The following ELK1 variants were observed in gnomAD, a reference collection of about 807,000 sequenced individuals.
ELK1 encodes ETS domain-containing protein Elk-1.
For synonymous variants in ELK1, 163 were observed against 176.3 expected, an observed-to-expected ratio of 0.92 and a Z score of 0.60; for missense variants, 254 against 381.5, an observed-to-expected ratio of 0.67 and a Z score of 2.78.
chrX:47,649,011 G>C (rs1460846723), intron 2 of ELK1: 13 of 111,175 alleles, frequency 1.2e-4, no homozygotes, highest in Admixed American at 1.1e-3. Context: ...TGAGATCTAA[G>C]AGGGGAGCCT....
At chrX:47,643,604 T>C (rs1274163023) in intron 2 of ELK1, among the ~76,000 whole-genome samples, 1 of 111,881 alleles carries the variant, frequency 8.9e-6, no homozygotes, top group Non-Finnish European at 1.9e-5. Flanking sequence ...TTATGTAACA[T>C]CGTATATGCA....
chrX:47,635,684 C>G lies in ELK1; in HGVS notation c.*1145G>C, dbSNP rs1051260258. 9.0e-6 allele frequency: 1 copy of G among 111,364 alleles called. No homozygotes were observed. Among genetic ancestry groups the G allele is most frequent in the African/African-American group, 3.3e-5 (1 of 30,458 alleles). 9.2% of individuals were successfully genotyped at this position (111,364 alleles called of 1,213,427 possible). A position where few individuals can be genotyped will look rare whatever the true frequency, so the allele number is the denominator to read the frequency against. On this transcript the variant is annotated 3_prime_UTR_variant, in exon 7 of 7. Coordinates refer to ENST00000376983, the MANE Select transcript of ELK1 (RefSeq NM_001114123.3). The stretch of plus-strand genomic sequence containing the variant: ...GGTCCCAAGGCCTGGGCTGGGCCAG[C>G]GCTAACAGGTGAGCCCAGGAGTCTT...
At chrX:47,644,486 T>A (rs1293300419) in intron 2 of ELK1, among the ~76,000 whole-genome samples, 1 of 110,833 alleles carries the variant, frequency 9.0e-6, no homozygotes, top group East Asian at 2.8e-4. Context: ...GGCAAACATG[T>A]ACAAGAGTGC....
Position 47,636,730 on chromosome X carries a change from T to G in ELK1, c.*99A>C. The G allele has an allele frequency of 5.0e-4, 413 of 826,912 alleles. No individual in the cohort carries two copies. The highest frequency in any genetic ancestry group is 6.3e-4 in the Non-Finnish European group (373 of 594,702). 68.1% of individuals were successfully genotyped at this position (826,912 alleles called of 1,213,427 possible). On this transcript the variant is annotated 3_prime_UTR_variant, in exon 7 of 7. Transcript: ENST00000376983. ...TCCCCACCCCACCACAATCAGAGCA[T>G]GAGTCTTTCAGTTGAACTATGTTTC... is the stretch of plus-strand genomic sequence containing the variant.
At position 47,638,009 on chromosome X, in the gene ELK1, G is replaced by A. The variant is rs200172068; in HGVS notation, c.828C>T (p.Val276=). 1.2e-4 allele frequency: 146 copies of A among 1,209,482 alleles called. 1 individual carries two copies. In the African/African-American group the frequency reaches 1.8e-3, roughly 15 times the overall value. The part of the protein sequence containing the change: ...VPETTKAEPE[V]PPQEGVPARL... ...GGGCTGGCACGCCCTCCTGTGGAGG[G>A]ACTTCTGGCTCGGCCTTGGTGGTTT... Residue 276 remains valine (V), a synonymous_variant, in exon 5 of 7, where the codon GTC becomes GTT. Coordinates refer to ENST00000376983, the MANE Select transcript of ELK1 (RefSeq NM_001114123.3).
chrX:47,648,471 T>C (rs1009839045), intron 2 of ELK1, among the ~76,000 whole-genome samples: 1 of 112,717 alleles, frequency 8.9e-6, no homozygotes, highest in African/African-American at 3.2e-5. Flanking sequence ...ACATCTTTCA[T>C]ACATGTATCT....
At chrX:47,647,746 C>T (rs771687355) in intron 2 of ELK1, among the ~76,000 whole-genome samples, 4 of 111,964 alleles carry the variant, frequency 3.6e-5, no homozygotes, top group Non-Finnish European at 7.5e-5. Context: ...GGAGACATAG[C>T]GGTGAATGAG....
chrX:47,641,173 A>C, intron 3 of ELK1, 59 bp downstream of exon 3: 2 of 1,163,111 alleles, frequency 1.7e-6, no homozygotes, highest in Non-Finnish European at 2.3e-6. Context: ...TTAAAACAAA[A>C]TAAAATCTCT....
At chrX:47,636,970 T>C in intron 6 of ELK1, 43 bp from the exon 7 acceptor site, 1 of 1,197,706 alleles carries the variant, frequency 8.3e-7, no homozygotes, top group Non-Finnish European at 1.1e-6. Context: ...GGGGCCATTC[T>C]TGGGTCTCTC....
At chrX:47,638,412 C>T (rs1012252639) in intron 4 of ELK1, among the ~76,000 whole-genome samples, 7 of 112,492 alleles carry the variant, frequency 6.2e-5, no homozygotes, top group Admixed American at 1.9e-4. Flanking sequence ...CAACCTGAAG[C>T]GGGTAGGAAT....
chrX:47,639,287 A>G lies in ELK1; in HGVS notation c.262T>C (p.Tyr88His), dbSNP rs2058020958. 8.3e-7 allele frequency: 1 copy of G among 1,210,124 alleles called. No homozygotes were observed. The highest frequency in any genetic ancestry group is 2.2e-5 in the Admixed American group (1 of 45,983). The stretch of plus-strand genomic sequence containing the variant: ...GTGGAGCACCCTGCGACCTCAGGGT[A>G]GGACACAAACTTGTAGACGAACTTC... ...GQKFVYKFVSYPEVAGCSTED... is the reference protein window; with the variant it reads ...GQKFVYKFVSHPEVAGCSTED... The change falls in exon 4 of 7, where the codon TAC (tyrosine) becomes CAC (histidine). Residue 88 changes from tyrosine to histidine, a missense_variant. Coordinates refer to ENST00000376983, the MANE Select transcript of ELK1 (RefSeq NM_001114123.3).
rs761039114 is a variant in ELK1 at position 47,650,539 on chromosome X, T to C, written c.-257A>G. The stretch of plus-strand genomic sequence containing the variant: ...TCCGAGGCGGCGGTGGAGGTGGTGG[T>C]GGCGGTGGCGGCGGCAGCACCTAGA... On this transcript the variant is annotated 5_prime_UTR_variant, in exon 1 of 7. Coordinates refer to ENST00000376983, the MANE Select transcript of ELK1 (RefSeq NM_001114123.3). The C allele has an allele frequency of 2.5e-5, 8 of 320,507 alleles. No individual in the cohort carries two copies. Among genetic ancestry groups the C allele is most frequent in the East Asian group, 1.0e-4 (1 of 10,028 alleles). 26.4% of individuals were successfully genotyped at this position (320,507 alleles called of 1,213,427 possible).
chrX:47,646,408 C>G (rs1328997579), intron 2 of ELK1, among the ~76,000 whole-genome samples: 2 of 111,525 alleles, frequency 1.8e-5, no homozygotes, highest in Admixed American at 9.5e-5. Context: ...CCTCCCACCT[C>G]AGCCTCTGTG....
chrX:47,647,935 T>G (rs1211529078), intron 2 of ELK1, among the ~76,000 whole-genome samples: 1 of 112,386 alleles, frequency 8.9e-6, no homozygotes, highest in African/African-American at 3.2e-5. Flanking sequence ...ACTTTTTTTG[T>G]TTTTACAAGT....
At chrX:47,648,622 G>C (rs1225494871) in intron 2 of ELK1, among the ~76,000 whole-genome samples, 1 of 112,411 alleles carries the variant, frequency 8.9e-6, no homozygotes, top group African/African-American at 3.2e-5. Flanking sequence ...AGGCCCTGAG[G>C]CTGGCCCATG....
At position 47,639,276 on chromosome X, in the gene ELK1, G is replaced by A. The variant is rs755745130; in HGVS notation, c.273C>T (p.Val91=). 3.3e-6 allele frequency: 4 copies of A among 1,207,855 alleles called. No homozygotes were observed. Among genetic ancestry groups the A allele is most frequent in the African/African-American group, 3.5e-5 (2 of 56,859 alleles). ...FVYKFVSYPE[V]AGCSTEDCPP... The stretch of plus-strand genomic sequence containing the variant: ...GGCAGTCCTCAGTGGAGCACCCTGC[G>A]ACCTCAGGGTAGGACACAAACTTGT... The change falls in exon 4 of 7, where the codon GTC becomes GTT. Residue 91 remains valine, a synonymous_variant. Coordinates refer to ENST00000376983, the MANE Select transcript of ELK1 (RefSeq NM_001114123.3).
chrX:47,641,764 C>T (rs1240552860), intron 2 of ELK1, among the ~76,000 whole-genome samples: 3 of 112,085 alleles, frequency 2.7e-5, no homozygotes, highest in Non-Finnish European at 5.6e-5. Flanking sequence ...CAAATGATGC[C>T]AACCCTGCTC....
intron 3 of ELK1, among the ~76,000 whole-genome samples, chrX:47,640,109 G>A (rs922205206): frequency 1.8e-5 from 2 of 111,399 alleles, no homozygotes; most frequent in East Asian, 5.6e-4. Context: ...TATAAATATT[G>A]GGAGGGGGCC....
Position 47,650,357 on chromosome X carries a change from C to A in ELK1, c.-141+66G>T, listed in dbSNP as rs766105370. ...GCCACCGGCCAAGCCACATCCTCTG[C>A]GCGGGGGCGGGAAGGATACGTGGGG... On this transcript the variant is annotated intron_variant, in intron 1 of 6. Coordinates refer to ENST00000376983, the MANE Select transcript of ELK1 (RefSeq NM_001114123.3). 228 of 261,895 alleles carry A rather than the reference C, an allele frequency of 8.7e-4. 2 individuals are homozygous for A. The highest frequency in any genetic ancestry group is 7.7e-3 in the South Asian group (213 of 27,776). The allele number at this position is 261,895 out of a possible 1,213,427, so 21.6% of individuals were successfully genotyped here.
Sources: allele counts gnomAD v4.1 joint callset (sites outside exome capture counted in the v4.1 genomes callset), GRCh38; gene constraint gnomAD v4.1.1; transcripts MANE v1.5; gene names NCBI Gene and HGNC (gene_info 2026-07-23, HGNC 2026-07-21).